Variants in ITSN1 observed in about 807,000 individuals in gnomAD.
ITSN1 encodes intersectin-1.
In ITSN1, 58 loss-of-function variants were observed where a neutral mutation model predicts 239.8. The observed-to-expected ratio is 0.24, with a 90% confidence interval of 0.20 to 0.30. The LOEUF is 0.30. ITSN1 is among the 10% of genes least tolerant of loss of function. ITSN1 has a pLI of 1.00. For missense variants in ITSN1, 1,558 were observed against 2,103.3 expected (o/e 0.74, Z 5.07); for synonymous variants, 780 against 770.8 (o/e 1.01, Z -0.20).
intron 1 of ITSN1, among the ~76,000 whole-genome samples, chr21:33,674,381 A>C (rs1320697783): frequency 6.6e-6 from 1 of 152,232 alleles, no homozygotes; most frequent in Non-Finnish European, 1.5e-5. Flanking sequence ...AGTGGTTCTC[A>C]AATCTAGCAT....
chr21:33,786,142 T>C (rs2070658391), intron 16 of ITSN1, among the ~76,000 whole-genome samples: 1 of 152,208 alleles, frequency 6.6e-6, no homozygotes, highest in South Asian at 2.1e-4. Context: ...TCAAATGAAA[T>C]ATTTGAACAG....
intron 1 of ITSN1, among the ~76,000 whole-genome samples, chr21:33,675,400 A>T (rs2090531958): frequency 6.7e-6 from 1 of 150,282 alleles, no homozygotes; most frequent in African/African-American, 2.5e-5. Flanking sequence ...TGTCTCTATT[A>T]AAAAAAAATA....
intron 29 of ITSN1, among the ~76,000 whole-genome samples, chr21:33,854,988 G>A (rs984118854): frequency 1.3e-5 from 2 of 152,112 alleles, no homozygotes; most frequent in Non-Finnish European, 2.9e-5. Context: ...CCCAGAGAAC[G>A]GACAAAACCA....
At chr21:33,815,424 G>C (rs1283858323) in intron 22 of ITSN1, among the ~76,000 whole-genome samples, 1 of 151,986 alleles carries the variant, frequency 6.6e-6, no homozygotes, top group Non-Finnish European at 1.5e-5. Flanking sequence ...GGAGGTGGGG[G>C]ATGGGAGGTT....
chr21:33,830,860 A>G (rs1053940422), intron 27 of ITSN1, among the ~76,000 whole-genome samples: 2 of 149,230 alleles, frequency 1.3e-5, no homozygotes, highest in Admixed American at 1.3e-4. Context: ...AGCAACTTGC[A>G]ATCAGATGAA....
At chr21:33,770,402 A>G (rs953030849) in intron 11 of ITSN1, among the ~76,000 whole-genome samples, 8 of 152,120 alleles carry the variant, frequency 5.3e-5, no homozygotes, top group African/African-American at 1.9e-4. Flanking sequence ...TCCATCTCCA[A>G]ATATCACATT....
intron 29 of ITSN1, among the ~76,000 whole-genome samples, chr21:33,841,668 C>A (rs2074828163): frequency 6.6e-6 from 1 of 152,184 alleles, no homozygotes; most frequent in Non-Finnish European, 1.5e-5. Context: ...GGGGCAACAC[C>A]CCACCCAGGT....
chr21:33,873,541 C>T (rs546703072), intron 33 of ITSN1, among the ~76,000 whole-genome samples: 2 of 152,346 alleles, frequency 1.3e-5, no homozygotes, highest in Admixed American at 6.5e-5. Flanking sequence ...AGGCTATTAA[C>T]CTCTCCATTT....
intron 1 of ITSN1, among the ~76,000 whole-genome samples, chr21:33,705,839 C>A (rs1293085588): frequency 1.3e-5 from 2 of 152,124 alleles, no homozygotes; most frequent in Non-Finnish European, 2.9e-5. Context: ...AAGTTCATTT[C>A]TCCTATCATT....
Position 33,729,217 on chromosome 21 carries a change from G to A in ITSN1, c.186-5827G>A, listed in dbSNP as rs141547361. 7.1e-3 allele frequency among the ~76,000 whole-genome samples: 1,087 copies of A among 152,216 alleles called. 13 individuals carry two copies. Among genetic ancestry groups the A allele is most frequent in the African/African-American group, 0.025 (1,031 of 41,518 alleles). On this transcript the variant is annotated intron_variant, in intron 4 of 39. Coordinates refer to ENST00000381318, the MANE Select transcript of ITSN1 (RefSeq NM_003024.3). ...TGTAATCTCAGCACTTTGGGAGGTC[G>A]AGGCAGGAGGATCACTTGAGCCCAG... is the stretch of plus-strand genomic sequence containing the variant.
At chr21:33,844,317 A>G (rs1299006656) in intron 29 of ITSN1, among the ~76,000 whole-genome samples, 1 of 152,206 alleles carries the variant, frequency 6.6e-6, no homozygotes, top group Non-Finnish European at 1.5e-5. Flanking sequence ...TGGGGAGGCC[A>G]CCAGGGAAAA....
intron 4 of ITSN1, among the ~76,000 whole-genome samples, chr21:33,725,053 T>G (rs1048457950): frequency 6.7e-6 from 1 of 150,340 alleles, no homozygotes; most frequent in East Asian, 1.9e-4. Flanking sequence ...GAGCATCGCT[T>G]GCGCCCAGGA....
chr21:33,656,457 C>T (rs1346759974), intron 1 of ITSN1, among the ~76,000 whole-genome samples: 1 of 152,182 alleles, frequency 6.6e-6, no homozygotes, highest in Non-Finnish European at 1.5e-5. Flanking sequence ...ACCAATACTA[C>T]AGACATTCAC....
chr21:33,879,281 T>G (rs570605187), intron 34 of ITSN1, among the ~76,000 whole-genome samples: 2 of 151,850 alleles, frequency 1.3e-5, no homozygotes, highest in South Asian at 4.2e-4. Flanking sequence ...AGCCCAGGAG[T>G]TTGAGGCTGC....
At chr21:33,722,106 C>G (rs921824688) in intron 3 of ITSN1, 11 of 152,202 alleles carry the variant, frequency 7.2e-5, no homozygotes, top group Admixed American at 6.5e-4. Flanking sequence ...TGGGGCTTCA[C>G]CATGTTGGCC....
In ITSN1 at chr21:33,697,671, T is replaced by C. The variant is rs567659518; in HGVS notation, c.-32-21126T>C. Among the ~76,000 whole-genome samples, 14 of 152,276 alleles carry C rather than the reference T, an allele frequency of 9.2e-5. 1 individual carries two copies. In the South Asian group the frequency reaches 2.1e-3, roughly 23 times the overall value. ...AAAATTTTGATTTGAAAGGCTCTTA[T>C]CTCAATCAGTGGTTCTTAAAATTAT... On this transcript the variant is annotated intron_variant, in intron 1 of 39. Transcript: ENST00000381318.
At position 33,895,000 on chromosome 21, in the gene ITSN1, TGGTGATGTG is replaced by T. The variant is rs1986616771; in HGVS notation, c.*6703_*6711del. 1 of 79,338 alleles carries T rather than the reference TGGTGATGTG, an allele frequency of 1.3e-5. No homozygotes were observed. Among genetic ancestry groups the T allele is most frequent in the South Asian group, 3.5e-4 (1 of 2,826 alleles). The allele number at this position is 79,338 out of a possible 1,614,324, so 4.9% of individuals were successfully genotyped here. A position where few individuals can be genotyped will look rare whatever the true frequency, so the allele number is the denominator to read the frequency against. On this transcript the variant is annotated 3_prime_UTR_variant, in exon 40 of 40. Coordinates refer to ENST00000381318, the MANE Select transcript of ITSN1 (RefSeq NM_003024.3). Reference sequence around the variant, plus strand: ...TTGTGTAGATCGCAGAAGGAGTTATTGGTGATGTGGGGTGTAGGGGAAGACAGGAAAACG... The same window carrying T: ...TTGTGTAGATCGCAGAAGGAGTTATTGGGTGTAGGGGAAGACAGGAAAACG...
chr21:33,694,902 A>C (rs1336552060), intron 1 of ITSN1, among the ~76,000 whole-genome samples: 1 of 152,122 alleles, frequency 6.6e-6, no homozygotes, highest in Non-Finnish European at 1.5e-5. Flanking sequence ...GCAGCCTCCA[A>C]CTCCTAGGCT....
rs189621989 is a variant in ITSN1, at chr21:33,774,283, C to A, written c.1306-446C>A. 3.8e-3 allele frequency: 588 copies of A among 155,692 alleles called. 2 individuals are homozygous for A. The highest frequency in any genetic ancestry group is 6.7e-3 in the Non-Finnish European group (473 of 70,428). The allele number at this position is 155,692 out of a possible 1,614,324, so 9.6% of individuals were successfully genotyped here. A position where few individuals can be genotyped will look rare whatever the true frequency, so the allele number is the denominator to read the frequency against. On this transcript the variant is annotated intron_variant, in intron 12 of 39. Transcript: ENST00000381318. ...TGAATGATTAGGAAGTGGGGAGTCGCAGACTTTTAAAACGAGTTAAGTAAT... is the reference window on the plus strand; with the variant it reads ...TGAATGATTAGGAAGTGGGGAGTCGAAGACTTTTAAAACGAGTTAAGTAAT...
Sources: allele counts gnomAD v4.1 joint callset (sites outside exome capture counted in the v4.1 genomes callset), GRCh38; gene constraint gnomAD v4.1.1; transcripts MANE v1.5; gene names NCBI Gene and HGNC (gene_info 2026-07-23, HGNC 2026-07-21).